Variants in DPP4 observed in about 807,000 individuals in gnomAD.
The protein encoded by DPP4 is ADCP-2.
Under a neutral mutation model 122.4 loss-of-function variants are expected in DPP4, and 93 were observed. The observed-to-expected ratio is 0.76, with a 90% CI of 0.64 to 0.90. The LOEUF (loss-of-function observed/expected upper bound fraction) is 0.90. Among genes scored for constraint, DPP4 ranks in the 40% least tolerant of loss-of-function variants. The pLI, the probability that DPP4 is intolerant of heterozygous loss-of-function variation, is 0.00. For missense variants in DPP4, 914 were observed against 907.3 expected (o/e 1.01, Z -0.09); for synonymous variants, 321 against 302.9 (o/e 1.06, Z -0.62).
rs374034376 is a variant in DPP4, at chr2:162,056,181, C to T, written c.95-8680G>A. 1.4e-3 allele frequency among the ~76,000 whole-genome samples: 220 copies of T among 152,276 alleles called. 8 individuals carry two copies. The South Asian group carries it at 0.044, about 31-fold the overall frequency. ...CTCATTTTTCCCTTAGCAATGATACCATCTAACTGATTATACATTTTACTT... is the reference window on the plus strand; with the variant it reads ...CTCATTTTTCCCTTAGCAATGATACTATCTAACTGATTATACATTTTACTT... On this transcript the variant is annotated intron_variant, in intron 2 of 25. Coordinates refer to ENST00000360534, the MANE Select transcript of DPP4 (RefSeq NM_001935.4).
At chr2:162,022,947 C>A in intron 11 of DPP4, 148 bp from the exon 12 acceptor site, 1 of 816,052 alleles carries the variant, frequency 1.2e-6, no homozygotes, top group South Asian at 1.6e-5. Context: ...TAGTATTTTT[C>A]AAGTCATTAC....
chr2:162,043,546 C>T (rs188451749), intron 5 of DPP4, among the ~76,000 whole-genome samples: 31 of 152,308 alleles, frequency 2.0e-4, no homozygotes, highest in African/African-American at 7.2e-4. Flanking sequence ...CAACTAAGGG[C>T]CACCAGGGGA....
At chr2:162,018,958 T>A in intron 15 of DPP4, 108 bp from the exon 16 acceptor site, 1 of 1,399,404 alleles carries the variant, frequency 7.1e-7, no homozygotes, top group Non-Finnish European at 9.7e-7. Flanking sequence ...GCCAACGCAA[T>A]CTTTAGGACT....
chr2:162,038,810 T>G (rs1213475681), intron 7 of DPP4, 139 bp downstream of exon 7: 1 of 760,030 alleles, frequency 1.3e-6, no homozygotes, highest in African/African-American at 1.8e-5. Context: ...CAGACAAACA[T>G]TAGATCCTGG....
In DPP4 at chr2:161,995,356, C is replaced by T; in HGVS notation, c.2069G>A (p.Ser690Asn). 1 of 1,613,838 alleles carries T rather than the reference C, an allele frequency of 6.2e-7. No individual in the cohort carries two copies. Among genetic ancestry groups the T allele is most frequent in the East Asian group, 2.2e-5 (1 of 44,882 alleles). The change falls in exon 24 of 26, where the codon AGC (serine) becomes AAC (asparagine). Residue 690 changes from serine to asparagine, a missense_variant. Ser to Asn is a conservative substitution (Grantham distance 46, BLOSUM62 1). Transcript: ENST00000360534. ...AACTTGTTTAAAATTTTCAGCTCTG[C>T]TCATGACTGTTGAATTCTGGAATTG... ...LDHYRNSTVMSRAENFKQVEY... is the reference protein window; with the variant it reads ...LDHYRNSTVMNRAENFKQVEY...
At chr2:162,029,705 G>A (rs1488657879) in intron 10 of DPP4, among the ~76,000 whole-genome samples, 1 of 152,194 alleles carries the variant, frequency 6.6e-6, no homozygotes, top group African/African-American at 2.4e-5. Flanking sequence ...AGAGAGCAGG[G>A]ATGGGGTATG....
chr2:162,033,862 G>T, intron 9 of DPP4, among the ~76,000 whole-genome samples: 1 of 104,038 alleles, frequency 9.6e-6, no homozygotes, highest in African/African-American at 3.5e-5. Context: ...CAGAATATGT[G>T]TATATATATA....
At chr2:162,007,460 C>T (rs1559706423) in intron 22 of DPP4, among the ~76,000 whole-genome samples, 1 of 151,866 alleles carries the variant, frequency 6.6e-6, no homozygotes, top group Non-Finnish European at 1.5e-5. Context: ...AAAAAATATG[C>T]CTTGAAACAC....
chr2:162,006,345 A>G (rs1340882872), intron 22 of DPP4, among the ~76,000 whole-genome samples: 2 of 152,174 alleles, frequency 1.3e-5, no homozygotes, highest in African/African-American at 4.8e-5. Flanking sequence ...ACAATGTTCA[A>G]TTACTAGTTG....
At chr2:162,014,308 C>A in intron 19 of DPP4, 88 bp downstream of exon 19, 1 of 1,022,742 alleles carries the variant, frequency 9.8e-7, no homozygotes, top group Admixed American at 2.2e-5. Flanking sequence ...GGAAAGGACG[C>A]ATTTGGCTCC....
intron 23 of DPP4, among the ~76,000 whole-genome samples, chr2:162,000,122 T>C (rs1701109268): frequency 6.6e-6 from 1 of 152,034 alleles, no homozygotes. Flanking sequence ...GAGCACACAG[T>C]CATTGGGTCT....
At chr2:162,013,668 C>T (rs918138356) in intron 19 of DPP4, among the ~76,000 whole-genome samples, 4 of 151,768 alleles carry the variant, frequency 2.6e-5, no homozygotes, top group Admixed American at 6.6e-5. Flanking sequence ...ACCTGGCATT[C>T]GGCAGGTCCC....
At chr2:162,046,765 G>C (rs556532178) in intron 4 of DPP4, 150 bp downstream of exon 4, 1 of 695,770 alleles carries the variant, frequency 1.4e-6, no homozygotes, top group Non-Finnish European at 2.7e-6. Flanking sequence ...CCAAGGCAGG[G>C]AGCATTTCAA....
intron 10 of DPP4, among the ~76,000 whole-genome samples, chr2:162,026,094 A>G (rs1265924309): frequency 6.6e-6 from 1 of 152,174 alleles, no homozygotes; most frequent in East Asian, 1.9e-4. Context: ...CTGAAGGACC[A>G]TAGCTTTGTC....
At chr2:162,047,776 A>T (rs965362919) in intron 2 of DPP4, among the ~76,000 whole-genome samples, 1 of 152,216 alleles carries the variant, frequency 6.6e-6, no homozygotes, top group Non-Finnish European at 1.5e-5. Flanking sequence ...GCTATGTCCT[A>T]TAGAAATAGA....
chr2:162,012,166 T>G (rs1292430849), intron 19 of DPP4, among the ~76,000 whole-genome samples, 179 bp from the exon 20 acceptor site: 1 of 152,064 alleles, frequency 6.6e-6, no homozygotes, highest in Non-Finnish European at 1.5e-5. Context: ...CTACCATGGT[T>G]GTATATTTCC....
chr2:162,038,562 CCTTCCCT>C, intron 7 of DPP4, 140 bp from the exon 8 acceptor site: 1 of 894,902 alleles, frequency 1.1e-6, no homozygotes, highest in South Asian at 1.7e-5. Context: ...GTCATTTACT[CCTTCCCT>C]CTCATTCTTA....
chr2:162,019,994 TTGTAA>T (rs1463698708), intron 14 of DPP4, among the ~76,000 whole-genome samples: 1 of 152,170 alleles, frequency 6.6e-6, no homozygotes, highest in Non-Finnish European at 1.5e-5. Flanking sequence ...GATACAGCTC[TTGTAA>T]TGTAAAGCAG....
intron 25 of DPP4, among the ~76,000 whole-genome samples, chr2:161,994,637 T>C (rs12617656): frequency 0.35 from 53,235 of 151,958 alleles, 9,658 homozygotes; most frequent in East Asian, 0.65. Flanking sequence ...CACTTTAGAA[T>C]TACTCTGCCA....
Sources: gnomAD v4.1 joint callset for allele counts (sites outside exome capture counted in the v4.1 genomes callset) on GRCh38, gnomAD v4.1.1 for gene constraint, MANE v1.5 for transcripts, NCBI Gene and HGNC (gene_info 2026-07-23, HGNC 2026-07-21) for gene names.